The following CD47 variants were observed in gnomAD, a reference collection of about 807,000 sequenced individuals.
CD47 encodes CD47 molecule, also known as leukocyte surface antigen CD47.
CD47 carries 11 observed loss-of-function variants against 44.6 expected under a neutral mutation model. That is an observed-to-expected ratio of 0.25 (90% CI 0.16 to 0.41). CD47 has a LOEUF of 0.41. Ranked by LOEUF, CD47 falls within the 10% of genes least tolerant of loss-of-function variation. CD47 has a pLI of 1.00. For synonymous variants in CD47, 140 were observed against 136.3 expected, an observed-to-expected ratio of 1.03 and a Z score of -0.19; for missense variants, 306 against 386.7, an observed-to-expected ratio of 0.79 and a Z score of 1.75.
intron 7 of CD47, among the ~76,000 whole-genome samples, chr3:108,055,822 A>C (rs180795202): frequency 6.0e-4 from 92 of 152,256 alleles, no homozygotes; most frequent in Admixed American, 1.9e-3. Context: ...TAAGTGATGG[A>C]GAAGGCAGGA....
chr3:108,048,840 G>A (rs2078769213), intron 10 of CD47, among the ~76,000 whole-genome samples: 2 of 152,112 alleles, frequency 1.3e-5, no homozygotes, highest in South Asian at 4.1e-4. Flanking sequence ...TGACCGAGGA[G>A]TGATTATAAA....
rs1367309790 is a variant in CD47, at chr3:108,060,818, T to C, written c.525A>G (p.Lys175=). The C allele has an allele frequency of 1.9e-6, 3 of 1,612,940 alleles. No individual in the cohort carries two copies. The African/African-American group carries it at 4.0e-5, about 22-fold the overall frequency. ...LKYRSGGMDE[K]TIALLVAGLV... The stretch of plus-strand genomic sequence containing the variant: ...GTCCAGCAACAAGTAAAGCAATTGT[T>C]TTCTCATCCATACCACCGGATCTAT... Residue 175 remains lysine, a synonymous_variant, in exon 4 of 11, where the codon AAA becomes AAG. Coordinates refer to ENST00000361309, the MANE Select transcript of CD47 (RefSeq NM_001777.4).
chr3:108,047,367 A>G, intron 10 of CD47, 75 bp from the exon 11 acceptor site: 1 of 1,209,604 alleles, frequency 8.3e-7, no homozygotes, highest in East Asian at 2.4e-5. Context: ...GACACATTAA[A>G]AAAAGTTTCA....
Position 108,065,840 on chromosome 3 carries a change from A to G in CD47, c.491-4988T>C, listed in dbSNP as rs1232365447. On this transcript the variant is annotated intron_variant, in intron 3 of 10. Coordinates refer to ENST00000361309, the MANE Select transcript of CD47 (RefSeq NM_001777.4). ...AAAAAAAAAAAAAAAAAAAAAAAAA[A>G]AAAAGAATTCACAGTAAACTTAATA... Among the ~76,000 whole-genome samples, 7 of 146,164 alleles carry G rather than the reference A, an allele frequency of 4.8e-5. No individual in the cohort carries two copies. The East Asian group carries it at 1.5e-3, about 31-fold the overall frequency.
At chr3:108,078,282 T>C (rs1368747329) in intron 2 of CD47, among the ~76,000 whole-genome samples, 1 of 152,090 alleles carries the variant, frequency 6.6e-6, no homozygotes, top group Non-Finnish European at 1.5e-5. Flanking sequence ...CTAGTTTTTA[T>C]TTTTATAGGG....
intron 3 of CD47, among the ~76,000 whole-genome samples, chr3:108,062,578 T>A (rs2079032870): frequency 6.6e-6 from 1 of 151,818 alleles, no homozygotes; most frequent in African/African-American, 2.4e-5. Context: ...TGCCTTAGAG[T>A]ACAGTATAAT....
At chr3:108,067,243 A>T (rs1029235390) in intron 3 of CD47, among the ~76,000 whole-genome samples, 1 of 152,264 alleles carries the variant, frequency 6.6e-6, no homozygotes, top group African/African-American at 2.4e-5. Flanking sequence ...AAAAAATTTT[A>T]AAGGTCATGG....
At chr3:108,071,982 TAA>T (rs1441998425) in intron 2 of CD47, among the ~76,000 whole-genome samples, 1 of 152,232 alleles carries the variant, frequency 6.6e-6, no homozygotes, top group Non-Finnish European at 1.5e-5. Flanking sequence ...AAGCTGTTAT[TAA>T]GTTGGTCACA....
At chr3:108,069,142 T>A (rs561255441) in intron 3 of CD47, among the ~76,000 whole-genome samples, 27 of 152,198 alleles carry the variant, frequency 1.8e-4, no homozygotes, top group Non-Finnish European at 3.7e-4. Flanking sequence ...TACAAACGTT[T>A]CTGGAAAACA....
intron 1 of CD47, among the ~76,000 whole-genome samples, chr3:108,082,702 A>C (rs532835610): frequency 2.6e-4 from 40 of 152,160 alleles, no homozygotes; most frequent in Non-Finnish European, 5.3e-4. Flanking sequence ...GTTGGTGAAC[A>C]ATCCACCATT....
At position 108,044,415 on chromosome 3, in the gene CD47, C is replaced by CAAAAAAAAAAAAAAAAAAAA. The variant is rs55777019; in HGVS notation, c.*2853_*2872dup. The CAAAAAAAAAAAAAAAAAAAA allele has an allele frequency of 2.9e-5, 1 of 34,106 alleles. No individual in the cohort carries two copies. Among genetic ancestry groups the CAAAAAAAAAAAAAAAAAAAA allele is most frequent in the Non-Finnish European group, 6.3e-5 (1 of 15,942 alleles). 2.1% of individuals were successfully genotyped at this position (34,106 alleles called of 1,614,324 possible). ...GGTTTTTAGAGCATGTGAAATTAGT[C>CAAAAAAAAAAAAAAAAAAAA]AAAAAAAAAAAAAAAAAAAAAAAAA... On this transcript the variant is annotated 3_prime_UTR_variant, in exon 11 of 11. Coordinates refer to ENST00000361309, the MANE Select transcript of CD47 (RefSeq NM_001777.4).
At chr3:108,047,624 C>A (rs2078742518) in intron 10 of CD47, among the ~76,000 whole-genome samples, 1 of 152,170 alleles carries the variant, frequency 6.6e-6, no homozygotes, top group Non-Finnish European at 1.5e-5. Context: ...GGATCTCCAT[C>A]ATTCATTTAA....
intron 2 of CD47, among the ~76,000 whole-genome samples, chr3:108,079,029 A>G (rs1481534701): frequency 1.3e-5 from 2 of 152,046 alleles, no homozygotes; most frequent in African/African-American, 2.4e-5. Context: ...ATCCTAAGTA[A>G]TGTGCAAACA....
chr3:108,051,443 A>G (rs377156187), intron 8 of CD47, among the ~76,000 whole-genome samples: 3 of 152,238 alleles, frequency 2.0e-5, no homozygotes, highest in Non-Finnish European at 4.4e-5. Context: ...AAGGGAAAAA[A>G]TGTTTATAAA....
chr3:108,059,094 T>A (rs2078968467), intron 5 of CD47, among the ~76,000 whole-genome samples: 1 of 152,180 alleles, frequency 6.6e-6, no homozygotes. Context: ...CCAGTCTTCT[T>A]AATGCAGAAG....
At chr3:108,084,464 G>C (rs1446551504) in intron 1 of CD47, among the ~76,000 whole-genome samples, 1 of 151,930 alleles carries the variant, frequency 6.6e-6, no homozygotes, top group Non-Finnish European at 1.5e-5. Context: ...GTCCCTAAGG[G>C]CTTCAGATTC....
chr3:108,061,670 A>G (rs1246419972), intron 3 of CD47, among the ~76,000 whole-genome samples: 1 of 152,212 alleles, frequency 6.6e-6, no homozygotes, highest in African/African-American at 2.4e-5. Context: ...TTCTTTTACT[A>G]TATATGAATC....
chr3:108,086,995 T>A (rs2079533668), intron 1 of CD47, among the ~76,000 whole-genome samples: 1 of 152,042 alleles, frequency 6.6e-6, no homozygotes. Flanking sequence ...AGTTTAGTAA[T>A]GGTGGGAGGG....
chr3:108,062,903 C>G (rs1266868709), intron 3 of CD47, among the ~76,000 whole-genome samples: 1 of 151,638 alleles, frequency 6.6e-6, no homozygotes, highest in African/African-American at 2.4e-5. Context: ...ATCCACCTGC[C>G]ACGGCCTCCC....
Sources: gnomAD v4.1 joint callset for allele counts (sites outside exome capture counted in the v4.1 genomes callset) on GRCh38, gnomAD v4.1.1 for gene constraint, MANE v1.5 for transcripts, NCBI Gene and HGNC (gene_info 2026-07-23, HGNC 2026-07-21) for gene names.